Variants in GALK2 observed in about 807,000 individuals in gnomAD.
GALK2 encodes N-acetylgalactosamine kinase.
Under a neutral mutation model 52.4 loss-of-function variants are expected in GALK2, and 36 were observed. The ratio of observed to expected loss-of-function variants is 0.69; its 90% CI spans 0.53 to 0.91. The LOEUF (loss-of-function observed/expected upper bound fraction) is 0.91. Ranked by LOEUF, GALK2 falls within the 40% of genes least tolerant of loss-of-function variation. The probability of loss-of-function intolerance (pLI) is 0.00; values close to 1 mark genes in which losing one functional copy is unlikely to be tolerated. For synonymous variants in GALK2, 176 were observed against 199.1 expected (o/e 0.88, Z 0.98); for missense variants, 579 against 559.1 (o/e 1.04, Z -0.36).
chr15:49,298,692 T>G (rs534886772), intron 8 of GALK2, among the ~76,000 whole-genome samples: 1 of 152,322 alleles, frequency 6.6e-6, no homozygotes, highest in Admixed American at 6.5e-5. Context: ...TAATTCTGTT[T>G]ATGTTGTGAA....
At chr15:49,178,001 A>C (rs1387197474) in intron 1 of GALK2, among the ~76,000 whole-genome samples, 1 of 150,630 alleles carries the variant, frequency 6.6e-6, no homozygotes, top group African/African-American at 2.4e-5. Context: ...ACTAAACAAA[A>C]ATTACAAAAT....
chr15:49,356,119 C>T (rs36188688), intron 3 of GALK2, among the ~76,000 whole-genome samples: 8 of 151,704 alleles, frequency 5.3e-5, no homozygotes, highest in Admixed American at 4.6e-4. Context: ...ACAACCGGTA[C>T]CAGCCGCTGT....
chr15:49,228,685 ATAT>A (rs1433872236), intron 3 of GALK2, among the ~76,000 whole-genome samples: 2,531 of 18,104 alleles, frequency 0.14, 310 homozygotes, highest in South Asian at 0.34. Context: ...ATATATATAT[ATAT>A]TTTTTTTTTT....
At chr15:49,206,139 A>G (rs1381290099) in intron 2 of GALK2, among the ~76,000 whole-genome samples, 1 of 152,038 alleles carries the variant, frequency 6.6e-6, no homozygotes, top group South Asian at 2.1e-4. Flanking sequence ...ACTATGGCCT[A>G]ATGGTATAGT....
intron 8 of GALK2, among the ~76,000 whole-genome samples, chr15:49,306,092 G>A (rs140088600): frequency 4.7e-4 from 71 of 152,160 alleles, no homozygotes; most frequent in Non-Finnish European, 9.7e-4. Context: ...TAGGAAGTTC[G>A]GAGAAGGGCC....
chr15:49,207,065 G>T (rs367842903), intron 2 of GALK2, among the ~76,000 whole-genome samples: 3 of 152,168 alleles, frequency 2.0e-5, no homozygotes, highest in South Asian at 2.1e-4. Context: ...GGATTTTGTC[G>T]AATGCTTTTT....
chr15:49,255,211 TTTTC>T (rs1223886678), intron 5 of GALK2, among the ~76,000 whole-genome samples: 4 of 143,704 alleles, frequency 2.8e-5, no homozygotes, highest in East Asian at 1.9e-4. Context: ...TTCTTGTTCT[TTTTC>T]TTTCTTTCTT....
At chr15:49,274,884 A>G (rs2031396219) in intron 5 of GALK2, among the ~76,000 whole-genome samples, 1 of 152,080 alleles carries the variant, frequency 6.6e-6, no homozygotes, top group African/African-American at 2.4e-5. Flanking sequence ...GGGCAATAAC[A>G]TGGATGGAGC....
chr15:49,366,715 G>A (rs1448137571), intron 3 of GALK2: 37 of 1,247,640 alleles, frequency 3.0e-5, no homozygotes, highest in South Asian at 6.0e-5. Flanking sequence ...GGGGTGGCGC[G>A]GCGCGGCTCA....
chr15:49,225,223 C>G (rs975445497), intron 3 of GALK2: 1 of 455,998 alleles, frequency 2.2e-6, no homozygotes, highest in African/African-American at 2.0e-5. Flanking sequence ...GGCTGCAGGG[C>G]TCCCTCAGGC....
At chr15:49,336,159 T>C (rs949609942), downstream of GALK2, among the ~76,000 whole-genome samples, 4 of 152,240 alleles carry the variant, frequency 2.6e-5, no homozygotes, top group Admixed American at 2.6e-4. Context: ...TCTAAGAGGC[T>C]TTGGGGGCAA....
chr15:49,232,093 G>T (rs1197936866), intron 3 of GALK2, among the ~76,000 whole-genome samples: 2 of 152,218 alleles, frequency 1.3e-5, no homozygotes, highest in Non-Finnish European at 2.9e-5. Flanking sequence ...CTCCATGACG[G>T]CTCTGCTCCT....
chr15:49,208,574 C>T (rs113411925), intron 2 of GALK2, among the ~76,000 whole-genome samples: 9,198 of 152,214 alleles, frequency 0.06, 554 homozygotes, highest in African/African-American at 0.15. Flanking sequence ...TGGCCCATCA[C>T]GTGGTCTATC....
At chr15:49,182,999 T>C (rs2086085242) in intron 1 of GALK2, among the ~76,000 whole-genome samples, 1 of 152,214 alleles carries the variant, frequency 6.6e-6, no homozygotes, top group Non-Finnish European at 1.5e-5. Flanking sequence ...TGTGATCTGA[T>C]TTGTCCATTT....
chr15:49,261,161 A>G (rs902200181), intron 5 of GALK2, among the ~76,000 whole-genome samples: 3 of 149,360 alleles, frequency 2.0e-5, no homozygotes, highest in African/African-American at 7.4e-5. Context: ...CTTGGGCAGT[A>G]TGGCCATTTT....
chr15:49,283,750 G>A, intron 7 of GALK2, 32 bp downstream of exon 7: 1 of 1,606,746 alleles, frequency 6.2e-7, no homozygotes, highest in Non-Finnish European at 8.5e-7. Flanking sequence ...GAAACTTGAA[G>A]TAGGGTTTTT....
At chr15:49,354,138 T>C (rs1330525601) in intron 3 of GALK2, 1 of 152,262 alleles carries the variant, frequency 6.6e-6, no homozygotes, top group Admixed American at 6.5e-5. Context: ...ATTTTTATGC[T>C]AGGATAAATG....
At chr15:49,199,590 T>C (rs540645371) in intron 1 of GALK2, among the ~76,000 whole-genome samples, 1 of 152,316 alleles carries the variant, frequency 6.6e-6, no homozygotes, top group South Asian at 2.1e-4. Flanking sequence ...CCTCACCCTT[T>C]GGCCACAGAT....
intron 3 of GALK2, among the ~76,000 whole-genome samples, chr15:49,348,587 A>G (rs764184245): frequency 6.6e-6 from 1 of 152,176 alleles, no homozygotes; most frequent in Non-Finnish European, 1.5e-5. Context: ...AGAGGCTGGA[A>G]GTGATTTTTG....
Sources: gnomAD v4.1 joint callset for allele counts (sites outside exome capture counted in the v4.1 genomes callset) on GRCh38, gnomAD v4.1.1 for gene constraint, MANE v1.5 for transcripts, NCBI Gene and HGNC (gene_info 2026-07-23, HGNC 2026-07-21) for gene names.